ANO9: variants seen among roughly 807,000 people sequenced by gnomAD.
ANO9 encodes the protein anoctamin-9.
Under a neutral mutation model 100.5 loss-of-function variants are expected in ANO9, and 80 were observed. The ratio of observed to expected loss-of-function variants is 0.80; its 90% CI spans 0.66 to 0.96. ANO9 has a LOEUF of 0.96. Ranked by LOEUF, ANO9 falls within the 40% of genes least tolerant of loss-of-function variation. ANO9 has a pLI of 0.00. For missense variants in ANO9, 1,064 were observed against 1,072.7 expected (o/e 0.99, Z 0.11); for synonymous variants, 473 against 435.6 (o/e 1.09, Z -1.07).
intron 19 of ANO9, 60 bp downstream of exon 19, chr11:420,403 G>T (rs993376432): frequency 2.1e-5 from 33 of 1,578,052 alleles, no homozygotes; most frequent in Middle Eastern, 3.5e-4. Context: ...CTGGCCAGCG[G>T]GAAGCCCACA....
intron 15 of ANO9, among the ~76,000 whole-genome samples, chr11:426,819 T>G (rs1848547793): frequency 2.0e-5 from 3 of 152,112 alleles, no homozygotes; most frequent in Admixed American, 2.0e-4. Context: ...CTGGGCTTCC[T>G]ACCTGACCAC....
Position 418,566 on chromosome 11 carries a change from G to A in ANO9, c.2154C>T (p.Leu718=). Residue 718 remains leucine (L), a synonymous_variant, in exon 23 of 23, where the codon CTC becomes CTT. Coordinates refer to ENST00000332826, the MANE Select transcript of ANO9 (RefSeq NM_001012302.3). ...LFEHVALCIK[L]IAAWFVPDIP... ...TGTCGGGCACGAACCAGGCGGCGAT[G>A]AGCTTGATGCACAAGGCCACGTGCT... is the stretch of plus-strand genomic sequence containing the variant. 1 of 1,613,016 alleles carries A rather than the reference G, an allele frequency of 6.2e-7. No individual in the cohort carries two copies. The highest frequency in any genetic ancestry group is 8.5e-7 in the Non-Finnish European group (1 of 1,180,014).
chr11:428,668 C>T (rs111758610), intron 12 of ANO9, 29 bp from the exon 13 acceptor site: 64,278 of 1,610,796 alleles, frequency 0.04, 1,548 homozygotes, highest in East Asian at 0.069. Context: ...GGGCGGGGGC[C>T]GGGGAGGGCA....
rs59563855 is a variant in ANO9 at position 419,794 on chromosome 11, C to T, written c.1787-65G>A. On this transcript the variant is annotated intron_variant, in intron 19 of 22. Transcript: ENST00000332826. ...CCTCGGCTGGTTCTGCCCTCACCCC[C>T]ACCCCCGGCCAACACGGGGCCTGCC... 1.0e-4 allele frequency: 158 copies of T among 1,568,992 alleles called. No homozygotes were observed. The African/African-American group carries it at 1.3e-3, about 13-fold the overall frequency.
rs1590480399 is a variant in ANO9, at chr11:431,596, C to A, written c.539+98G>T. On this transcript the variant is annotated intron_variant, in intron 7 of 22. Coordinates refer to ENST00000332826, the MANE Select transcript of ANO9 (RefSeq NM_001012302.3). ...GGGGGCTCCCGCGGGTATCTGGGGG[C>A]TTCCGCGGGGGTGTGGGGGCGTCCG... is the stretch of plus-strand genomic sequence containing the variant. 2.2e-6 allele frequency: 2 copies of A among 898,678 alleles called. 1 individual carries two copies. Among genetic ancestry groups the A allele is most frequent in the Non-Finnish European group, 3.1e-6 (2 of 642,820 alleles). The allele number at this position is 898,678 out of a possible 1,614,324, so 55.7% of individuals were successfully genotyped here.
intron 15 of ANO9, among the ~76,000 whole-genome samples, chr11:423,022 G>A (rs1848286020): frequency 6.6e-6 from 1 of 151,992 alleles, no homozygotes; most frequent in Admixed American, 6.6e-5. Flanking sequence ...TAAAGACGGG[G>A]TTTCACCATG....
chr11:420,191 G>A, intron 19 of ANO9: 1 of 1,394,098 alleles, frequency 7.2e-7, no homozygotes, highest in Non-Finnish European at 9.3e-7. Context: ...CCCAGCCACT[G>A]GCAGAACCTG....
At chr11:434,132 GA>G (rs1308953312) in intron 1 of ANO9, 34 bp from the exon 2 acceptor site, 2 of 1,545,976 alleles carry the variant, frequency 1.3e-6, no homozygotes, top group Non-Finnish European at 1.7e-6. Context: ...GGGATAGGAG[GA>G]TGTGATTGGG....
At chr11:429,691 C>T in intron 10 of ANO9, 39 bp from the exon 11 acceptor site, 1 of 1,612,512 alleles carries the variant, frequency 6.2e-7, no homozygotes, top group Non-Finnish European at 8.5e-7. Flanking sequence ...TGCACTACGC[C>T]AGGTGGACCT....
Position 429,592 on chromosome 11 carries a change from A to C in ANO9, c.893T>G (p.Leu298Arg). 6.2e-7 allele frequency: 1 copy of C among 1,612,574 alleles called. No homozygotes were observed. The highest frequency in any genetic ancestry group is 8.5e-7 in the Non-Finnish European group (1 of 1,179,858). ...QRARVVLHWD[L>R]YVWDEEQEEM... Reference sequence around the variant, plus strand: ...CACCTGTTCCTCGTCCCACACGTACAGGTCCCAGTGCAGGACCACGCGGGC... The same window carrying C: ...CACCTGTTCCTCGTCCCACACGTACCGGTCCCAGTGCAGGACCACGCGGGC... Residue 298 changes from leucine to arginine, a missense_variant, in exon 11 of 23, where the codon CTG becomes CGG. Physicochemically the swap from Leu to Arg is moderately radical, Grantham distance 102. Transcript: ENST00000332826.
At chr11:424,499 C>T (rs1008149410) in intron 15 of ANO9, among the ~76,000 whole-genome samples, 2 of 152,202 alleles carry the variant, frequency 1.3e-5, no homozygotes, top group African/African-American at 4.8e-5. Flanking sequence ...TATAGGGCTA[C>T]TGTGCAGATT....
intron 7 of ANO9, 23 bp downstream of exon 7, chr11:431,671 G>C (rs199652544): frequency 6.2e-7 from 1 of 1,611,302 alleles, no homozygotes; most frequent in Non-Finnish European, 8.5e-7. Context: ...CGGGGTTCCT[G>C]TGCTCTCTTT....
chr11:425,005 C>T (rs1377113921), intron 15 of ANO9, among the ~76,000 whole-genome samples: 1 of 130,420 alleles, frequency 7.7e-6, no homozygotes. Flanking sequence ...GGAGACGGGA[C>T]GCGCGGGAGG....
intron 3 of ANO9, 46 bp downstream of exon 3, chr11:433,769 C>G: frequency 6.5e-7 from 1 of 1,530,540 alleles, no homozygotes; most frequent in Middle Eastern, 1.8e-4. Flanking sequence ...TCGCTGGACA[C>G]CCGCCCCGGC....
intron 15 of ANO9, among the ~76,000 whole-genome samples, chr11:425,529 C>A (rs1848459359): frequency 6.7e-6 from 1 of 150,070 alleles, no homozygotes. Context: ...GTAAAACATA[C>A]CATGATTATA....
intron 3 of ANO9, 100 bp downstream of exon 3, chr11:433,715 C>A: frequency 6.8e-7 from 1 of 1,474,942 alleles, no homozygotes; most frequent in Non-Finnish European, 9.0e-7. Flanking sequence ...CCCCACAGCC[C>A]TGCCCCTCGC....
At chr11:440,890 G>A (rs1413547590) in intron 1 of ANO9, among the ~76,000 whole-genome samples, 1 of 152,238 alleles carries the variant, frequency 6.6e-6, no homozygotes, top group East Asian at 1.9e-4. Flanking sequence ...TGCGCCACCA[G>A]GCCCGGCTGC....
chr11:433,950 G>A lies in ANO9; in HGVS notation c.82-13C>T. 6.4e-7 allele frequency: 1 copy of A among 1,557,706 alleles called. No homozygotes were observed. Among genetic ancestry groups the A allele is most frequent in the East Asian group, 2.4e-5 (1 of 42,468 alleles). On this transcript the variant is annotated splice_polypyrimidine_tract_variant and intron_variant, in intron 2 of 22. Transcript: ENST00000332826. Reference sequence around the variant, plus strand: ...CGGAGGCCTCGGTCTGCAGGGAGGAGGCATGGGGCCAGGCGCAGGTGAAGG... The same window carrying A: ...CGGAGGCCTCGGTCTGCAGGGAGGAAGCATGGGGCCAGGCGCAGGTGAAGG...
At chr11:423,885 TCACACA>T (rs57182615) in intron 15 of ANO9, among the ~76,000 whole-genome samples, 4,023 of 143,378 alleles carry the variant, frequency 0.028, 117 homozygotes, top group African/African-American at 0.074. Context: ...AGTTGAATAC[TCACACA>T]CACACACACA....
Sources: gnomAD v4.1 joint callset for allele counts (sites outside exome capture counted in the v4.1 genomes callset) on GRCh38, gnomAD v4.1.1 for gene constraint, MANE v1.5 for transcripts, NCBI Gene and HGNC (gene_info 2026-07-23, HGNC 2026-07-21) for gene names.